Variants in PRR36 observed in about 807,000 individuals in gnomAD.
The protein encoded by PRR36 is proline rich 36.
Under a neutral mutation model 58.6 loss-of-function variants are expected in PRR36, and 30 were observed. The ratio of observed to expected loss-of-function variants is 0.51; its 90% CI spans 0.38 to 0.69. The LOEUF is 0.69. PRR36 is among the 30% of genes least tolerant of loss of function. The pLI is 0.00. For synonymous variants in PRR36, 771 were observed against 829.3 expected, an observed-to-expected ratio of 0.93 and a Z score of 1.21; for missense variants, 1,692 against 1,805.6, an observed-to-expected ratio of 0.94 and a Z score of 1.14.
Position 7,872,204 on chromosome 19 carries a change from CTT to C in PRR36, c.1038_1039del (p.Gln348GlyfsTer92). ...GGCCGGCAGGGTGGGCGGGGCCTGA[CTT>C]TGGAGAGCGGCTGGCGGAGGGGGCG... On this transcript the variant is annotated frameshift_variant, in exon 5 of 6. Coordinates refer to ENST00000618550, the MANE Select transcript of PRR36 (RefSeq NM_001190467.2). LOFTEE classifies it high-confidence loss of function. The surrounding 1 kb of genome is among the most constrained non-coding windows in gnomAD (Gnocchi z 6.1). 2.8e-6 allele frequency: 4 copies of C among 1,437,434 alleles called. No homozygotes were observed. Among genetic ancestry groups the C allele is most frequent in the South Asian group, 1.4e-5 (1 of 68,972 alleles). The allele number at this position is 1,437,434 out of a possible 1,614,324, so 89.0% of individuals were successfully genotyped here. A position where few individuals can be genotyped will look rare whatever the true frequency, so the allele number is the denominator to read the frequency against.
Position 7,871,664 on chromosome 19 carries a change from G to A in PRR36, c.1580C>T (p.Ala527Val). The A allele has an allele frequency of 6.5e-7, 1 of 1,536,086 alleles. No homozygotes were observed. Among genetic ancestry groups the A allele is most frequent in the Non-Finnish European group, 8.7e-7 (1 of 1,146,872 alleles). ...GGGAGAGGCCTGCAGAGGCAATGTG[G>A]CCAGAAGAGGAGAGTCCTGCAGAGG... ...TLPLQDSPLL[A>V]TLPLQASPSP... The change falls in exon 5 of 6, where the codon GCC becomes GTC. Residue 527 changes from alanine (A) to valine (V), a missense_variant. This residue lies in a region of PRR36 where 975 missense variants were observed against 955.2 expected (regional missense o/e 1.02). Coordinates refer to ENST00000618550, the MANE Select transcript of PRR36 (RefSeq NM_001190467.2).
Position 7,873,205 on chromosome 19 carries a change from C to A in PRR36, c.366G>T (p.Gly122=), listed in dbSNP as rs1213045131. The change falls in exon 3 of 6, where the codon GGG becomes GGT. Residue 122 remains glycine (G), a synonymous_variant. Transcript: ENST00000618550. The surrounding 1 kb of genome is among the most constrained non-coding windows in gnomAD (Gnocchi z 5.0). ...GPVSSPGRAS[G]TTRPGPLGQK... ...GAGAGGGAGCAGGTTACCTGGTGGT[C>A]CCGCTGGCACGCCCTGGGCTAGAAA... 1 of 1,535,956 alleles carries A rather than the reference C, an allele frequency of 6.5e-7. No individual in the cohort carries two copies. The highest frequency in any genetic ancestry group is 2.4e-5 in the East Asian group (1 of 40,904).
In PRR36 at chr19:7,870,711, G is replaced by T; in HGVS notation, c.2533C>A (p.Pro845Thr). The T allele has an allele frequency of 7.2e-7, 1 of 1,383,656 alleles. No homozygotes were observed. Among genetic ancestry groups the T allele is most frequent in the Non-Finnish European group, 9.3e-7 (1 of 1,070,900 alleles). 85.7% of individuals were successfully genotyped at this position (1,383,656 alleles called of 1,614,324 possible). Reference sequence around the variant, plus strand: ...TGCAGAGGAGGCAAGGCCAGGGCAGGTGGGGCCTGTGGAGGGGGCGTGGCC... The same window carrying T: ...TGCAGAGGAGGCAAGGCCAGGGCAGTTGGGGCCTGTGGAGGGGGCGTGGCC... ...PLATPPPQAPPALALPPLQAP... is the reference protein window; with the variant it reads ...PLATPPPQAPTALALPPLQAP... Residue 845 changes from proline (P) to threonine (T), a missense_variant, in exon 5 of 6, where the codon CCT becomes ACT. Physicochemically the swap from Pro to Thr is conservative, Grantham distance 38. Around this residue, in one of 5 missense-constraint regions of PRR36, gnomAD observed 171 missense variants for 146.2 expected, o/e 1.17. Transcript: ENST00000618550.
At position 7,872,947 on chromosome 19, in the gene PRR36, C is replaced by T. The variant is rs1417656030; in HGVS notation, c.389G>A (p.Gly130Asp). 1 of 1,536,012 alleles carries T rather than the reference C, an allele frequency of 6.5e-7. No homozygotes were observed. Among genetic ancestry groups the T allele is most frequent in the Non-Finnish European group, 8.7e-7 (1 of 1,146,842 alleles). ...CGCTGAGATCCGGAGTCCCTTCTGG[C>T]CAAGAGGGCCTGGCCTGGAGACAGA... ...ASGTTRPGPL[G>D]QKGLRISAEE... Residue 130 changes from glycine to aspartate, a missense_variant, in exon 4 of 6, where the codon GGC (glycine) becomes GAC (aspartate). By Grantham distance (94) the Gly-to-Asp change is moderately conservative. Transcript: ENST00000618550. This position sits in a 1 kb window ranked among gnomAD's most constrained non-coding sequence, Gnocchi z 6.1.
At position 7,869,977 on chromosome 19, in the gene PRR36, G is replaced by A; in HGVS notation, c.3267C>T (p.Val1089=). ...RPPTPGPDTS[V]SGPRLTLALA... is the part of the protein sequence containing the mutation. ...ACGCCAGGGTCAGCCGTGGGCCCGA[G>A]ACGGAGGTATCCGGACCCGGGGTCG... Residue 1089 remains valine, a synonymous_variant, in exon 5 of 6, where the codon GTC becomes GTT. Transcript: ENST00000618550. 7.2e-7 allele frequency: 1 copy of A among 1,398,240 alleles called. No homozygotes were observed. Among genetic ancestry groups the A allele is most frequent in the Non-Finnish European group, 9.2e-7 (1 of 1,084,322 alleles). The allele number at this position is 1,398,240 out of a possible 1,614,324, so 86.6% of individuals were successfully genotyped here.
rs1023846293 is a variant in PRR36, at chr19:7,872,971, G to T, written c.375-10C>A. On this transcript the variant is annotated splice_polypyrimidine_tract_variant and intron_variant, in intron 3 of 5. Transcript: ENST00000618550. This position sits in a 1 kb window ranked among gnomAD's most constrained non-coding sequence, Gnocchi z 6.1. ...GCCAAGAGGGCCTGGCCTGGAGACA[G>T]AAGGGGCCACGCTCAGGCCTAGGTC... 2 of 1,532,000 alleles carry T rather than the reference G, an allele frequency of 1.3e-6. No homozygotes were observed. The highest frequency in any genetic ancestry group is 1.7e-6 in the Non-Finnish European group (2 of 1,143,484). 94.9% of individuals were successfully genotyped at this position (1,532,000 alleles called of 1,614,324 possible). A position where few individuals can be genotyped will look rare whatever the true frequency, so the allele number is the denominator to read the frequency against.
At position 7,873,836 on chromosome 19, in the gene PRR36, C is replaced by T. The variant is rs892343649; in HGVS notation, c.-7-140G>A. ...ACCTCGGCCTCGGCTTCCATCCGCTCGGCTCCCACGCACCTACACCCACTC... is the reference window on the plus strand; with the variant it reads ...ACCTCGGCCTCGGCTTCCATCCGCTTGGCTCCCACGCACCTACACCCACTC... On this transcript the variant is annotated intron_variant, in intron 1 of 5. Coordinates refer to ENST00000618550, the MANE Select transcript of PRR36 (RefSeq NM_001190467.2). This position sits in a 1 kb window ranked among gnomAD's most constrained non-coding sequence, Gnocchi z 5.0. 7.8e-6 allele frequency: 6 copies of T among 770,926 alleles called. No individual in the cohort carries two copies. The highest frequency in any genetic ancestry group is 1.9e-5 in the South Asian group (1 of 52,618). 47.8% of individuals were successfully genotyped at this position (770,926 alleles called of 1,614,324 possible). A position where few individuals can be genotyped will look rare whatever the true frequency, so the allele number is the denominator to read the frequency against.
chr19:7,872,498 A>T lies in PRR36; in HGVS notation c.746T>A (p.Leu249His). 1 of 1,489,168 alleles carries T rather than the reference A, an allele frequency of 6.7e-7. No individual in the cohort carries two copies. The highest frequency in any genetic ancestry group is 8.9e-7 in the Non-Finnish European group (1 of 1,126,930). 92.2% of individuals were successfully genotyped at this position (1,489,168 alleles called of 1,614,324 possible). A position where few individuals can be genotyped will look rare whatever the true frequency, so the allele number is the denominator to read the frequency against. Residue 249 changes from leucine to histidine, a missense_variant, in exon 5 of 6, where the codon CTC becomes CAC. This residue lies in a region of PRR36 where 975 missense variants were observed against 955.2 expected (regional missense o/e 1.02). Coordinates refer to ENST00000618550, the MANE Select transcript of PRR36 (RefSeq NM_001190467.2). This position sits in a 1 kb window ranked among gnomAD's most constrained non-coding sequence, Gnocchi z 6.1. ...SRSLSSSATPLSSPARSGPSA... is the reference protein window; with the variant it reads ...SRSLSSSATPHSSPARSGPSA... ...GGGCCCAGAACGGGCTGGGGAGGAGAGAGGGGTGGCGCTGGAGCTCAGGGA... is the reference window on the plus strand; with the variant it reads ...GGGCCCAGAACGGGCTGGGGAGGAGTGAGGGGTGGCGCTGGAGCTCAGGGA...
rs774285999 is a variant in PRR36 at position 7,873,175 on chromosome 19, T to G, written c.374+22A>C. The G allele has an allele frequency of 2.0e-6, 3 of 1,531,424 alleles. No individual in the cohort carries two copies. Among genetic ancestry groups the G allele is most frequent in the Non-Finnish European group, 2.6e-6 (3 of 1,142,654 alleles). 94.9% of individuals were successfully genotyped at this position (1,531,424 alleles called of 1,614,324 possible). A position where few individuals can be genotyped will look rare whatever the true frequency, so the allele number is the denominator to read the frequency against. Reference sequence around the variant, plus strand: ...TGACGCTAACCCTGGCTTAGGAGACTGGGGGAGAGGGAGCAGGTTACCTGG... The same window carrying G: ...TGACGCTAACCCTGGCTTAGGAGACGGGGGGAGAGGGAGCAGGTTACCTGG... On this transcript the variant is annotated intron_variant, in intron 3 of 5. Coordinates refer to ENST00000618550, the MANE Select transcript of PRR36 (RefSeq NM_001190467.2). The surrounding 1 kb of genome is among the most constrained non-coding windows in gnomAD (Gnocchi z 5.0).
Position 7,873,527 on chromosome 19 carries a change from G to C in PRR36, c.163C>G (p.Arg55Gly). ...CCCGCTCGCTCTGCCAGAGGCTTTC[G>C]CCCCACTGCTCCCGCAGCTCCCAGA... The part of the protein sequence containing the change: ...RVLGAAGAVG[R>G]KPLAERAGGI... The change falls in exon 2 of 6, where the codon CGA becomes GGA. Residue 55 changes from arginine to glycine, a missense_variant. Arg to Gly is a moderately radical substitution (Grantham distance 125, BLOSUM62 -2). This residue lies in a region of PRR36 where 975 missense variants were observed against 955.2 expected (regional missense o/e 1.02). Transcript: ENST00000618550. The surrounding 1 kb of genome is among the most constrained non-coding windows in gnomAD (Gnocchi z 5.0). 6.5e-7 allele frequency: 1 copy of C among 1,535,312 alleles called. No homozygotes were observed. Among genetic ancestry groups the C allele is most frequent in the South Asian group, 1.2e-5 (1 of 84,032 alleles).
Position 7,868,859 on chromosome 19 carries a change from G to A in PRR36, c.*174C>T. ...GCTCGAGGGGCGGGCCTAGGTCAAAGCTGTGGGTAGGTCCCGAGCCTCCGA... is the reference window on the plus strand; with the variant it reads ...GCTCGAGGGGCGGGCCTAGGTCAAAACTGTGGGTAGGTCCCGAGCCTCCGA... On this transcript the variant is annotated 3_prime_UTR_variant, in exon 6 of 6. Transcript: ENST00000618550. 1 of 711,160 alleles carries A rather than the reference G, an allele frequency of 1.4e-6. No individual in the cohort carries two copies. The highest frequency in any genetic ancestry group is 3.2e-5 in the East Asian group (1 of 31,508). 44.1% of individuals were successfully genotyped at this position (711,160 alleles called of 1,614,324 possible). A position where few individuals can be genotyped will look rare whatever the true frequency, so the allele number is the denominator to read the frequency against.
At position 7,871,992 on chromosome 19, in the gene PRR36, CGGCTGT is replaced by C; in HGVS notation, c.1246_1251del (p.Thr416_Ala417del). 6.5e-7 allele frequency: 1 copy of C among 1,534,932 alleles called. No individual in the cohort carries two copies. The highest frequency in any genetic ancestry group is 1.7e-4 in the Middle Eastern group (1 of 5,982). On this transcript the variant is annotated inframe_deletion, in exon 5 of 6. Coordinates refer to ENST00000618550, the MANE Select transcript of PRR36 (RefSeq NM_001190467.2). The stretch of plus-strand genomic sequence containing the variant: ...GATGGAGAGACTGAAGCCACAAAAG[CGGCTGT>C]GGCCAGGGAAGAGACGCCTGCTTCT...
Position 7,871,973 on chromosome 19 carries a change from G to A in PRR36, c.1271C>T (p.Ser424Phe). 2 of 1,535,738 alleles carry A rather than the reference G, an allele frequency of 1.3e-6. No individual in the cohort carries two copies. The highest frequency in any genetic ancestry group is 1.7e-6 in the Non-Finnish European group (2 of 1,146,838). Residue 424 changes from serine to phenylalanine, a missense_variant, in exon 5 of 6, where the codon TCT becomes TTT. Physicochemically the swap from Ser to Phe is radical, Grantham distance 155 (BLOSUM62 -2). Coordinates refer to ENST00000618550, the MANE Select transcript of PRR36 (RefSeq NM_001190467.2). ...CTGCAGAGGGGATGAAACTGATGGAGAGACTGAAGCCACAAAAGCGGCTGT... is the reference window on the plus strand; with the variant it reads ...CTGCAGAGGGGATGAAACTGATGGAAAGACTGAAGCCACAAAAGCGGCTGT... ...LATAAFVASV[S>F]PSVSSPLQSM...
chr19:7,874,081 C>A lies in PRR36; in HGVS notation c.-8+205G>T, dbSNP rs1157581847. Reference sequence around the variant, plus strand: ...TCAGGATGTCGCATCCCTCCAGACCCGGAGCGCACGCCCGGGTCTCCCCGC... The same window carrying A: ...TCAGGATGTCGCATCCCTCCAGACCAGGAGCGCACGCCCGGGTCTCCCCGC... On this transcript the variant is annotated intron_variant, in intron 1 of 5. Transcript: ENST00000618550. The surrounding 1 kb of genome is among the most constrained non-coding windows in gnomAD (Gnocchi z 6.0). 6.6e-6 allele frequency among the ~76,000 whole-genome samples: 1 copy of A among 152,146 alleles called. No individual in the cohort carries two copies. The highest frequency in any genetic ancestry group is 2.4e-5 in the African/African-American group (1 of 41,436).
rs1451216511 is a variant in PRR36, at chr19:7,870,260, G to A, written c.2984C>T (p.Pro995Leu). Residue 995 changes from proline (P) to leucine (L), a missense_variant, in exon 5 of 6, where the codon CCT becomes CTT. Coordinates refer to ENST00000618550, the MANE Select transcript of PRR36 (RefSeq NM_001190467.2). ...APPLQVPPSP[P>L]ASLPMSPLAK... is the part of the protein sequence containing the mutation. ...CAAAGGAGACATTGGGAGTGAGGCA[G>A]GGGGAGAGGGCGGGACCTGCAGAGG... The A allele has an allele frequency of 7.2e-7, 1 of 1,382,244 alleles. No homozygotes were observed. Among genetic ancestry groups the A allele is most frequent in the South Asian group, 1.6e-5 (1 of 63,060 alleles). The allele number at this position is 1,382,244 out of a possible 1,614,324, so 85.6% of individuals were successfully genotyped here.
In PRR36 at chr19:7,871,223, G is replaced by A. The variant is rs1405326873; in HGVS notation, c.2021C>T (p.Pro674Leu). 41 of 1,533,704 alleles carry A rather than the reference G, an allele frequency of 2.7e-5. No individual in the cohort carries two copies. The highest frequency in any genetic ancestry group is 3.5e-5 in the Non-Finnish European group (40 of 1,146,234). ...GGGTGAGCTTAGGGGTGAGACAGCAGGAGAGAGAGAAGTCTGCAGAGGGGG... is the reference window on the plus strand; with the variant it reads ...GGGTGAGCTTAGGGGTGAGACAGCAAGAGAGAGAGAAGTCTGCAGAGGGGG... ...ASPPLQTSLSPAVSPLSSPLT... is the reference protein window; with the variant it reads ...ASPPLQTSLSLAVSPLSSPLT... Residue 674 changes from proline (P) to leucine (L), a missense_variant, in exon 5 of 6, where the codon CCT becomes CTT. Pro to Leu is a moderately conservative substitution (Grantham distance 98). This residue lies in a region of PRR36 where 975 missense variants were observed against 955.2 expected (regional missense o/e 1.02). Transcript: ENST00000618550.
In PRR36 at chr19:7,871,782, C is replaced by G. The variant is rs1231289080; in HGVS notation, c.1462G>C (p.Gly488Arg). 22 of 1,534,002 alleles carry G rather than the reference C, an allele frequency of 1.4e-5. No homozygotes were observed. Among genetic ancestry groups the G allele is most frequent in the Admixed American group, 3.9e-5 (2 of 50,844 alleles). Residue 488 changes from glycine (G) to arginine (R), a missense_variant, in exon 5 of 6, where the codon GGC (glycine) becomes CGC (arginine). By Grantham distance (125) the Gly-to-Arg change is moderately radical (BLOSUM62 -2). Coordinates refer to ENST00000618550, the MANE Select transcript of PRR36 (RefSeq NM_001190467.2). The stretch of plus-strand genomic sequence containing the variant: ...GGGGGCGTGGTCAGAGCAGAAAGGC[C>G]TGGCTGAGGGAGTGCGGCCAGGGGA... ...AFPLAALPQP[G>R]LSALTTPPPQ...
chr19:7,870,660 G>C lies in PRR36; in HGVS notation c.2584C>G (p.Pro862Ala). 1 of 1,331,074 alleles carries C rather than the reference G, an allele frequency of 7.5e-7. No homozygotes were observed. Among genetic ancestry groups the C allele is most frequent in the Non-Finnish European group, 9.6e-7 (1 of 1,037,490 alleles). The allele number at this position is 1,331,074 out of a possible 1,614,324, so 82.5% of individuals were successfully genotyped here. The change falls in exon 5 of 6, where the codon CCC becomes GCC. Residue 862 changes from proline to alanine, a missense_variant. Physicochemically the swap from Pro to Ala is conservative, Grantham distance 27. This residue lies in a region of PRR36 where 171 missense variants were observed against 146.2 expected (regional missense o/e 1.17). Transcript: ENST00000618550. ...LQAPPSPPASPPLSPLATPSP... is the reference protein window; with the variant it reads ...LQAPPSPPASAPLSPLATPSP... ...GGTGTGGCCAAAGGAGACAGAGGGG[G>C]TGAGGCAGGGGGAGAGGGAGGGGCC... is the stretch of plus-strand genomic sequence containing the variant.
chr19:7,870,502 A>AG lies in PRR36; in HGVS notation c.2741dup (p.Ser915PhefsTer91). ...CGGCTAGAGAGGGTGGGGCCTGTGA[A>AG]GGGGGCGTGGCCGAAGGAGACACTG... On this transcript the variant is annotated frameshift_variant, in exon 5 of 6. Coordinates refer to ENST00000618550, the MANE Select transcript of PRR36 (RefSeq NM_001190467.2). LOFTEE classifies it high-confidence loss of function. 1 of 807,378 alleles carries AG rather than the reference A, an allele frequency of 1.2e-6. No homozygotes were observed. Among genetic ancestry groups the AG allele is most frequent in the Non-Finnish European group, 1.5e-6 (1 of 681,752 alleles). 50.0% of individuals were successfully genotyped at this position (807,378 alleles called of 1,614,324 possible). A position where few individuals can be genotyped will look rare whatever the true frequency, so the allele number is the denominator to read the frequency against.
Sources: allele counts gnomAD v4.1 joint callset (sites outside exome capture counted in the v4.1 genomes callset), GRCh38; gene constraint gnomAD v4.1.1; regional missense constraint gnomAD v4.1.1; non-coding constraint Gnocchi (gnomAD v3.1); transcripts MANE v1.5; gene names NCBI Gene and HGNC (gene_info 2026-07-23, HGNC 2026-07-21).